Variants in DENND5B observed in about 807,000 individuals in gnomAD.
DENND5B encodes DENN domain-containing protein 5B.
DENND5B carries 34 observed loss-of-function variants against 140.6 expected under a neutral mutation model. The ratio of observed to expected loss-of-function variants is 0.24; its 90% CI spans 0.18 to 0.32. The LOEUF (loss-of-function observed/expected upper bound fraction) is 0.32. DENND5B is among the 10% of genes least tolerant of loss of function. DENND5B has a pLI of 1.00. For missense variants in DENND5B, 1,142 were observed against 1,560.2 expected, an observed-to-expected ratio of 0.73 and a Z score of 4.52; for synonymous variants, 551 against 562.1, an observed-to-expected ratio of 0.98 and a Z score of 0.28.
chr12:31,400,215 T>TA (rs546299084), intron 15 of DENND5B, among the ~76,000 whole-genome samples: 108 of 152,360 alleles, frequency 7.1e-4, no homozygotes, highest in South Asian at 3.5e-3. Context: ...CTGACACTGA[T>TA]ATTCTTTTCT....
chr12:31,553,079 C>T (rs372602491), intron 1 of DENND5B, among the ~76,000 whole-genome samples: 1 of 152,054 alleles, frequency 6.6e-6, no homozygotes, highest in South Asian at 2.1e-4. Flanking sequence ...CTGCTCTGAT[C>T]TTAGTTATTT....
rs777441776 is a variant in DENND5B, at chr12:31,452,196, T to C, written c.1373A>G (p.Gln458Arg). 25 of 1,613,902 alleles carry C rather than the reference T, an allele frequency of 1.5e-5. No homozygotes were observed. Among genetic ancestry groups the C allele is most frequent in the Non-Finnish European group, 1.5e-5 (18 of 1,179,896 alleles). ...CACACCAGTACGCTTGGCCAGAGCC[T>C]GCAAGCGGGCTATGGTTTCATTGCC... Reference protein sequence around the residue: ...LKGNETIARLQALAKRTGVAV... With the variant: ...LKGNETIARLRALAKRTGVAV... Residue 458 changes from glutamine to arginine, a missense_variant, in exon 5 of 21, where the codon CAG becomes CGG. Gln to Arg is a conservative substitution (Grantham distance 43). Transcript: ENST00000389082.
intron 4 of DENND5B, among the ~76,000 whole-genome samples, chr12:31,456,191 G>A (rs975726608): frequency 3.4e-4 from 52 of 152,044 alleles, no homozygotes; most frequent in African/African-American, 1.1e-3. Flanking sequence ...TTAGCGAAGT[G>A]TGGTGGCGTG....
At chr12:31,486,528 A>G (rs905547967) in intron 2 of DENND5B, among the ~76,000 whole-genome samples, 2 of 152,250 alleles carry the variant, frequency 1.3e-5, no homozygotes, top group Non-Finnish European at 2.9e-5. Flanking sequence ...GGATTCAGTC[A>G]CAACCATCCA....
chr12:31,470,085 C>CTACAGGCA (rs1945475015), intron 3 of DENND5B, among the ~76,000 whole-genome samples: 1 of 147,014 alleles, frequency 6.8e-6, no homozygotes, highest in African/African-American at 2.5e-5. Flanking sequence ...GTAGCTGGGA[C>CTACAGGCA]TACAGGCATA....
At chr12:31,458,223 A>G (rs773760646) in intron 4 of DENND5B, among the ~76,000 whole-genome samples, 1 of 152,202 alleles carries the variant, frequency 6.6e-6, no homozygotes, top group Non-Finnish European at 1.5e-5. Flanking sequence ...TTTCCCAACT[A>G]CAGATATATC....
intron 3 of DENND5B, among the ~76,000 whole-genome samples, chr12:31,467,792 A>C (rs1301054161): frequency 2.0e-5 from 3 of 152,236 alleles, no homozygotes; most frequent in Admixed American, 6.5e-5. Context: ...ATAACATAAG[A>C]GTAACTGTTC....
rs1472142403 is a variant in DENND5B, at chr12:31,386,211, G to GGAGCTCT, written c.*1385_*1391dup. 1 of 154,800 alleles carries GGAGCTCT rather than the reference G, an allele frequency of 6.5e-6. No homozygotes were observed. The highest frequency in any genetic ancestry group is 1.5e-5 in the Non-Finnish European group (1 of 68,236). 9.6% of individuals were successfully genotyped at this position (154,800 alleles called of 1,614,324 possible). A position where few individuals can be genotyped will look rare whatever the true frequency, so the allele number is the denominator to read the frequency against. ...TCAGCCACAACTGGGAATAAAACTG[G>GGAGCTCT]GAGCTCTGCTGAGGCAATTTTGCTG... On this transcript the variant is annotated 3_prime_UTR_variant, in exon 21 of 21. Coordinates refer to ENST00000389082, the MANE Select transcript of DENND5B (RefSeq NM_144973.4).
chr12:31,542,729 G>C (rs1316102560), intron 1 of DENND5B, among the ~76,000 whole-genome samples: 1 of 152,176 alleles, frequency 6.6e-6, no homozygotes, highest in Non-Finnish European at 1.5e-5. Context: ...GCCAAAACGG[G>C]TGGATTCTTT....
chr12:31,551,380 C>T (rs916542106), intron 1 of DENND5B, among the ~76,000 whole-genome samples: 3 of 151,948 alleles, frequency 2.0e-5, no homozygotes, highest in Non-Finnish European at 4.4e-5. Context: ...TGTAGATATG[C>T]GGCATTATTT....
intron 1 of DENND5B, chr12:31,535,196 C>A: frequency 3.8e-6 from 1 of 264,636 alleles, no homozygotes; most frequent in East Asian, 1.1e-4. Flanking sequence ...GGTGTCCAGC[C>A]ATCCGCCATC....
At chr12:31,403,008 ATTTTG>A (rs777822463) in intron 14 of DENND5B, among the ~76,000 whole-genome samples, 9 of 152,210 alleles carry the variant, frequency 5.9e-5, no homozygotes, top group Non-Finnish European at 1.2e-4. Context: ...TTAAAAATTA[ATTTTG>A]TAACAAAATT....
At chr12:31,498,351 TATATC>T (rs1380488120) in intron 1 of DENND5B, among the ~76,000 whole-genome samples, 1 of 152,212 alleles carries the variant, frequency 6.6e-6, no homozygotes, top group Non-Finnish European at 1.5e-5. Context: ...GGACAGGAGA[TATATC>T]AGAAAGGTCA....
At position 31,451,937 on chromosome 12, in the gene DENND5B, T is replaced by C; in HGVS notation, c.1629+3A>G. On this transcript the variant is annotated splice_donor_region_variant and intron_variant, in intron 5 of 20. Transcript: ENST00000389082. ...ACAAAAGGAAAACTATGGTTCTTTT[T>C]ACTTTGTCAAAGTTCTGCATCTGTT... The C allele has an allele frequency of 6.2e-7, 1 of 1,613,126 alleles. No individual in the cohort carries two copies. Among genetic ancestry groups the C allele is most frequent in the Non-Finnish European group, 8.5e-7 (1 of 1,179,700 alleles).
intron 1 of DENND5B, among the ~76,000 whole-genome samples, chr12:31,523,203 C>A (rs1271662): frequency 0.078 from 11,798 of 152,086 alleles, 1,043 homozygotes; most frequent in African/African-American, 0.22. Flanking sequence ...AGATTACCGG[C>A]ATGCACCACC....
chr12:31,422,262 CCAAAA>C lies in DENND5B; in HGVS notation c.2470+1330_2470+1334del, dbSNP rs1444983696. On this transcript the variant is annotated intron_variant, in intron 11 of 20. Coordinates refer to ENST00000389082, the MANE Select transcript of DENND5B (RefSeq NM_144973.4). ...GTGAAACCCCGTCTCTACTAAAAAT[CCAAAA>C]AAAAAAAAAAAAAATAGCTGGGCGT... Among the ~76,000 whole-genome samples, 113 of 138,646 alleles carry C rather than the reference CCAAAA, an allele frequency of 8.2e-4. 1 individual carries two copies. The highest frequency in any genetic ancestry group is 9.0e-4 in the Non-Finnish European group (57 of 63,338). 91.0% of individuals were successfully genotyped at this position (138,646 alleles called of 152,430 possible).
chr12:31,519,222 A>C (rs1947790370), intron 1 of DENND5B, among the ~76,000 whole-genome samples: 2 of 152,180 alleles, frequency 1.3e-5, no homozygotes, highest in African/African-American at 2.4e-5. Flanking sequence ...ATGGTAGCAA[A>C]TGGTAAAGAA....
chr12:31,412,126 T>C (rs1942493525), intron 13 of DENND5B, among the ~76,000 whole-genome samples: 1 of 152,104 alleles, frequency 6.6e-6, no homozygotes, highest in South Asian at 2.1e-4. Flanking sequence ...TTTTTTATTT[T>C]TTGTAGAGAC....
At chr12:31,429,322 T>TA (rs1943404162) in intron 8 of DENND5B, among the ~76,000 whole-genome samples, 1 of 152,378 alleles carries the variant, frequency 6.6e-6, no homozygotes, top group East Asian at 1.9e-4. Flanking sequence ...ATTTGATTTT[T>TA]AAAATCTATC....
Sources: allele counts gnomAD v4.1 joint callset (sites outside exome capture counted in the v4.1 genomes callset), GRCh38; gene constraint gnomAD v4.1.1; transcripts MANE v1.5; gene names NCBI Gene and HGNC (gene_info 2026-07-23, HGNC 2026-07-21).